The following CYP11A1 variants were observed in gnomAD, a reference collection of about 807,000 sequenced individuals.
CYP11A1 encodes the protein cholesterol side-chain cleavage enzyme, mitochondrial.
CYP11A1 carries 25 observed loss-of-function variants against 51.9 expected under a neutral mutation model. That is an observed-to-expected ratio of 0.48 (90% confidence interval 0.35 to 0.67). CYP11A1 has a LOEUF of 0.67. CYP11A1 is among the 30% of genes least tolerant of loss of function. The pLI, the probability that CYP11A1 is intolerant of heterozygous loss-of-function variation, is 0.00. For synonymous variants in CYP11A1, 245 were observed against 262.1 expected, an observed-to-expected ratio of 0.93 and a Z score of 0.63; for missense variants, 578 against 680.9, an observed-to-expected ratio of 0.85 and a Z score of 1.68.
intron 1 of CYP11A1, among the ~76,000 whole-genome samples, chr15:74,357,180 C>T (rs1332039438): frequency 1.3e-5 from 2 of 152,180 alleles, no homozygotes; most frequent in African/African-American, 4.8e-5. Context: ...GGATCTCAAA[C>T]ATGCTTTCTC....
At chr15:74,338,134 G>A (rs1287599189) in intron 8 of CYP11A1, 31 bp from the exon 9 acceptor site, 1 of 1,613,978 alleles carries the variant, frequency 6.2e-7, no homozygotes, top group East Asian at 2.2e-5. Flanking sequence ...GTTTAGGGGA[G>A]GGCAGGGGAG....
chr15:74,342,424 G>C (rs369427753), intron 5 of CYP11A1, among the ~76,000 whole-genome samples: 1 of 152,192 alleles, frequency 6.6e-6, no homozygotes, highest in Admixed American at 6.5e-5. Flanking sequence ...AGTTTCTAGG[G>C]TGCCATGCTG....
Position 74,337,863 on chromosome 15 carries a change from G to C in CYP11A1, c.*109C>G. 6.8e-7 allele frequency: 1 copy of C among 1,479,812 alleles called. No individual in the cohort carries two copies. The highest frequency in any genetic ancestry group is 9.3e-7 in the Non-Finnish European group (1 of 1,071,112). The allele number at this position is 1,479,812 out of a possible 1,614,324, so 91.7% of individuals were successfully genotyped here. On this transcript the variant is annotated 3_prime_UTR_variant, in exon 9 of 9. Coordinates refer to ENST00000268053, the MANE Select transcript of CYP11A1 (RefSeq NM_000781.3). ...GAGAACCCATTCAACCTGCTGAGCA[G>C]GCTGGGCAGAAAGGAGCAGGACTTG...
Position 74,345,175 on chromosome 15 carries a change from T to C in CYP11A1, c.494A>G (p.Lys165Arg), listed in dbSNP as rs746584608. Residue 165 changes from lysine to arginine, a missense_variant, in exon 3 of 9, where the codon AAG becomes AGG. Transcript: ENST00000268053. The surrounding 1 kb of genome is among the most constrained non-coding windows in gnomAD (Gnocchi z 4.3). ...TGCATCCAACAGGGGCAAAAAGTTC[T>C]TGGTGGCCTCTGGAGCCATCACCTC... is the stretch of plus-strand genomic sequence containing the variant. Reference protein sequence around the residue: ...NQEVMAPEATKNFLPLLDAVS... With the variant: ...NQEVMAPEATRNFLPLLDAVS... 1.2e-6 allele frequency: 2 copies of C among 1,614,268 alleles called. No individual in the cohort carries two copies. Among genetic ancestry groups the C allele is most frequent in the Non-Finnish European group, 1.7e-6 (2 of 1,180,040 alleles).
intron 8 of CYP11A1, 34 bp downstream of exon 8, chr15:74,338,537 C>A: frequency 6.2e-7 from 1 of 1,610,016 alleles, no homozygotes; most frequent in Non-Finnish European, 8.5e-7. Context: ...CCAGGGCCAG[C>A]CCAGGGTGCC....
At chr15:74,360,639 G>A (rs1040455195) in intron 1 of CYP11A1, among the ~76,000 whole-genome samples, 44 of 150,126 alleles carry the variant, frequency 2.9e-4, no homozygotes, top group African/African-American at 9.5e-4. Flanking sequence ...ACAGTGCCTC[G>A]CACCTGTAAT....
chr15:74,365,944 G>A (rs889318773), intron 1 of CYP11A1: 43 of 979,092 alleles, frequency 4.4e-5, no homozygotes, highest in Non-Finnish European at 4.8e-5. Context: ...CCGTGTTGGG[G>A]AACTTGGCGG....
At chr15:74,354,987 C>G (rs1412304550) in intron 1 of CYP11A1, among the ~76,000 whole-genome samples, 2 of 152,094 alleles carry the variant, frequency 1.3e-5, no homozygotes, top group African/African-American at 4.8e-5. Context: ...ATCCTTCACC[C>G]TTAGTGGCAA....
At position 74,343,721 on chromosome 15, in the gene CYP11A1, C is replaced by T. The variant is rs574806239; in HGVS notation, c.829+68G>A. 129 of 1,382,626 alleles carry T rather than the reference C, an allele frequency of 9.3e-5. 1 individual carries two copies. The South Asian group carries it at 1.3e-3, about 13-fold the overall frequency. The allele number at this position is 1,382,626 out of a possible 1,614,324, so 85.6% of individuals were successfully genotyped here. On this transcript the variant is annotated intron_variant, in intron 4 of 8. Transcript: ENST00000268053. ...GTCAAGTCAGCGCCCATTGACATAGCGTGGGACAAAGGAGCCGGCTGAGGC... is the reference window on the plus strand; with the variant it reads ...GTCAAGTCAGCGCCCATTGACATAGTGTGGGACAAAGGAGCCGGCTGAGGC...
intron 5 of CYP11A1, among the ~76,000 whole-genome samples, chr15:74,342,558 C>T (rs11638442): frequency 2.0e-5 from 3 of 151,934 alleles, no homozygotes; most frequent in African/African-American, 7.3e-5. Context: ...GCAAATGCCT[C>T]GGCCTCCCAA....
At chr15:74,350,758 C>A (rs892111616) in intron 1 of CYP11A1, 1 of 152,134 alleles carries the variant, frequency 6.6e-6, no homozygotes, top group African/African-American at 2.4e-5. Flanking sequence ...GTTAACGGGG[C>A]CCCTGAGCTC....
At chr15:74,343,316 G>A (rs1039777112) in intron 4 of CYP11A1, among the ~76,000 whole-genome samples, 179 bp from the exon 5 acceptor site, 1 of 152,028 alleles carries the variant, frequency 6.6e-6, no homozygotes, top group Non-Finnish European at 1.5e-5. Context: ...TTTTTTCATC[G>A]AATTCTTGGG....
intron 2 of CYP11A1, among the ~76,000 whole-genome samples, chr15:74,347,599 G>T (rs2060638151): frequency 6.6e-6 from 1 of 152,156 alleles, no homozygotes; most frequent in South Asian, 2.1e-4. Flanking sequence ...CATCAAGGAT[G>T]CTCAGTAAGG....
chr15:74,362,630 AAACT>A (rs1339407310), intron 1 of CYP11A1: 7 of 152,350 alleles, frequency 4.6e-5, no homozygotes, highest in African/African-American at 1.7e-4. Flanking sequence ...GCTTAAGGTA[AAACT>A]AACTAGGGAA....
chr15:74,351,384 CAT>C (rs2060655821), intron 1 of CYP11A1, among the ~76,000 whole-genome samples: 1 of 152,188 alleles, frequency 6.6e-6, no homozygotes, highest in Admixed American at 6.5e-5. Context: ...GGAGCAAACT[CAT>C]AAATGTTTCT....
At chr15:74,362,878 G>C (rs2060715472) in intron 1 of CYP11A1, 1 of 152,194 alleles carries the variant, frequency 6.6e-6, no homozygotes, top group Non-Finnish European at 1.5e-5. Context: ...ATGTATGTAA[G>C]AAACTTTAAT....
Position 74,367,349 on chromosome 15 carries a change from G to A in CYP11A1, c.237C>T (p.Val79=), listed in dbSNP as rs2060738920. The A allele has an allele frequency of 3.7e-6, 6 of 1,614,162 alleles. No individual in the cohort carries two copies. The highest frequency in any genetic ancestry group is 3.3e-4 in the Middle Eastern group (2 of 6,062). The change falls in exon 1 of 9, where the codon GTC becomes GTT. Residue 79 remains valine, a synonymous_variant. Coordinates refer to ENST00000268053, the MANE Select transcript of CYP11A1 (RefSeq NM_000781.3). ...TCGGGCCATACTTCTGGAAATTCTG[G>A]ACATGGTGAAGGTGGACTTTGTGTG... ...TGTHKVHLHH[V]QNFQKYGPIY... is the part of the protein sequence containing the mutation.
chr15:74,357,520 T>C (rs529287995), intron 1 of CYP11A1, among the ~76,000 whole-genome samples: 4 of 152,294 alleles, frequency 2.6e-5, no homozygotes, highest in South Asian at 4.2e-4. Flanking sequence ...GACTAAACCA[T>C]TATATAAACT....
chr15:74,359,995 A>G (rs141615576), intron 1 of CYP11A1, among the ~76,000 whole-genome samples: 4 of 152,246 alleles, frequency 2.6e-5, no homozygotes, highest in African/African-American at 9.6e-5. Context: ...AATGCCTTTT[A>G]GTTCATGTGA....
Sources: gnomAD v4.1 joint callset for allele counts (sites outside exome capture counted in the v4.1 genomes callset) on GRCh38, gnomAD v4.1.1 for gene constraint, Gnocchi (gnomAD v3.1) non-coding constraint, MANE v1.5 for transcripts, NCBI Gene and HGNC (gene_info 2026-07-23, HGNC 2026-07-21) for gene names.